The following PIK3CA variants were observed in gnomAD, a reference collection of about 807,000 sequenced individuals.
The protein encoded by PIK3CA is phosphatidylinositol-4,5-bisphosphate 3-kinase catalytic subunit alpha, also known as phosphatidylinositol 4,5-bisphosphate 3-kinase catalytic subunit alpha isoform.
A neutral mutation model predicts 138.2 loss-of-function variants in PIK3CA; 27 were observed. The ratio of observed to expected loss-of-function variants is 0.20; its 90% CI spans 0.14 to 0.27. PIK3CA has a LOEUF of 0.27. PIK3CA is among the 10% of genes least tolerant of loss of function. The pLI, the probability that PIK3CA is intolerant of heterozygous loss-of-function variation, is 1.00. For synonymous variants in PIK3CA, 358 were observed against 413.2 expected (o/e 0.87, Z 1.62); for missense variants, 544 against 1,277.4 (o/e 0.43, Z 8.75).
chr3:179,219,129 G>A lies in PIK3CA; in HGVS notation c.1665-67G>A, dbSNP rs1250086372. Reference sequence around the variant, plus strand: ...TTCTTAAGAAGATTCATATGGAGAAGTTAGACATGTCAACCTTTTGAACAG... The same window carrying A: ...TTCTTAAGAAGATTCATATGGAGAAATTAGACATGTCAACCTTTTGAACAG... On this transcript the variant is annotated intron_variant, in intron 10 of 20. Transcript: ENST00000263967. The surrounding 1 kb of genome is among the most constrained non-coding windows in gnomAD (Gnocchi z 4.2). 2 of 912,800 alleles carry A rather than the reference G, an allele frequency of 2.2e-6. No individual in the cohort carries two copies. Among genetic ancestry groups the A allele is most frequent in the African/African-American group, 3.3e-5 (2 of 60,790 alleles). The allele number at this position is 912,800 out of a possible 1,614,324, so 56.5% of individuals were successfully genotyped here.
chr3:179,173,404 C>CAAAAAAAAAAAAA (rs749831764), intron 1 of PIK3CA, among the ~76,000 whole-genome samples: 2 of 43,108 alleles, frequency 4.6e-5, no homozygotes, highest in Non-Finnish European at 9.3e-5. Flanking sequence ...GCTAAAAATA[C>CAAAAAAAAAAAAA]AAAAAAAAAA....
At chr3:179,164,248 C>T (rs766452961) in intron 1 of PIK3CA, among the ~76,000 whole-genome samples, 10 of 152,034 alleles carry the variant, frequency 6.6e-5, no homozygotes, top group Admixed American at 2.0e-4. Context: ...GTCTTAGGTA[C>T]GTTTTCTTTT....
intron 1 of PIK3CA, among the ~76,000 whole-genome samples, chr3:179,163,705 A>C (rs9871768): frequency 0.057 from 8,662 of 152,232 alleles, 298 homozygotes; most frequent in African/African-American, 0.095. Context: ...CATTTACTAA[A>C]GAGGAAATGC....
chr3:179,154,453 C>T (rs1176683464), intron 1 of PIK3CA, among the ~76,000 whole-genome samples: 3 of 152,100 alleles, frequency 2.0e-5, no homozygotes, highest in Admixed American at 2.0e-4. Flanking sequence ...CAGTTTCATC[C>T]CCAAACCATC....
At chr3:179,175,810 C>T (rs529033210) in intron 1 of PIK3CA, among the ~76,000 whole-genome samples, 1 of 151,768 alleles carries the variant, frequency 6.6e-6, no homozygotes, top group South Asian at 2.1e-4. Flanking sequence ...TTTCCTCTGT[C>T]CCATCATTCT....
At chr3:179,225,213 T>C (rs1448296049) in intron 16 of PIK3CA, among the ~76,000 whole-genome samples, 1 of 152,008 alleles carries the variant, frequency 6.6e-6, no homozygotes, top group Non-Finnish European at 1.5e-5. Context: ...TGCTAGGCCC[T>C]GGGGTTTTAG....
At chr3:179,190,061 G>A (rs9866361) in intron 1 of PIK3CA, among the ~76,000 whole-genome samples, 36,105 of 152,050 alleles carry the variant, frequency 0.24, 5,382 homozygotes, top group African/African-American at 0.42. Flanking sequence ...CTTGCTTCCT[G>A]TGCATCTCCA....
intron 17 of PIK3CA, among the ~76,000 whole-genome samples, chr3:179,228,266 T>G (rs1725128424): frequency 6.6e-6 from 1 of 152,008 alleles, no homozygotes. Flanking sequence ...ATATTAACAA[T>G]TGTGGTTTTT....
At chr3:179,162,598 A>G (rs967241201) in intron 1 of PIK3CA, among the ~76,000 whole-genome samples, 3 of 152,170 alleles carry the variant, frequency 2.0e-5, no homozygotes, top group Non-Finnish European at 4.4e-5. Flanking sequence ...TTCTAGAGTA[A>G]ATAGATGTAA....
chr3:179,206,271 T>C (rs1467690735), intron 6 of PIK3CA, among the ~76,000 whole-genome samples: 1 of 152,014 alleles, frequency 6.6e-6, no homozygotes, highest in East Asian at 1.9e-4. Context: ...TTGGCCAGGC[T>C]GGTCTTGAAC....
intron 1 of PIK3CA, among the ~76,000 whole-genome samples, chr3:179,168,212 A>G (rs560215974): frequency 7.2e-4 from 110 of 152,292 alleles, no homozygotes; most frequent in Non-Finnish European, 1.3e-3. Context: ...GAATTGGTTC[A>G]GGGGAAGTAA....
rs1243991294 is a variant in PIK3CA at position 179,235,619 on chromosome 3, T to G, written c.*1255T>G. The G allele has an allele frequency of 1.9e-5, 4 of 206,476 alleles. No individual in the cohort carries two copies. The highest frequency in any genetic ancestry group is 9.1e-5 in the African/African-American group (4 of 43,898). The allele number at this position is 206,476 out of a possible 1,614,324, so 12.8% of individuals were successfully genotyped here. A position where few individuals can be genotyped will look rare whatever the true frequency, so the allele number is the denominator to read the frequency against. ...ATTAGTTACCAGAATTAACACAATTTAGACTATCTTCCTGATTCCTTAAAC... is the reference window on the plus strand; with the variant it reads ...ATTAGTTACCAGAATTAACACAATTGAGACTATCTTCCTGATTCCTTAAAC... On this transcript the variant is annotated 3_prime_UTR_variant, in exon 21 of 21. Transcript: ENST00000263967.
Position 179,204,573 on chromosome 3 carries a change from C to G in PIK3CA, c.1130C>G (p.Pro377Arg), listed in dbSNP as rs113613074. The change falls in exon 6 of 21, where the codon CCT (proline) becomes CGT (arginine). Residue 377 changes from proline to arginine, a missense_variant. Pro to Arg is a moderately radical substitution (Grantham distance 103). Coordinates refer to ENST00000263967, the MANE Select transcript of PIK3CA (RefSeq NM_006218.4). ...GACAATGTGAACACTCAAAGAGTAC[C>G]TTGTTCCAATCCCAGGTAAGGAAGT... is the stretch of plus-strand genomic sequence containing the variant. ...LCDNVNTQRVPCSNPRWNEWL... is the reference protein window; with the variant it reads ...LCDNVNTQRVRCSNPRWNEWL... The G allele has an allele frequency of 1.2e-4, 189 of 1,536,950 alleles. No homozygotes were observed. The highest frequency in any genetic ancestry group is 1.6e-4 in the Non-Finnish European group (181 of 1,110,006).
chr3:179,151,685 T>G (rs898571341), intron 1 of PIK3CA, among the ~76,000 whole-genome samples: 1 of 152,186 alleles, frequency 6.6e-6, no homozygotes, highest in African/African-American at 2.4e-5. Context: ...TTCTCTAGGT[T>G]TATTTCTCCT....
chr3:179,190,905 A>G (rs1222337913), intron 1 of PIK3CA, among the ~76,000 whole-genome samples: 1 of 152,246 alleles, frequency 6.6e-6, no homozygotes, highest in East Asian at 1.9e-4. Flanking sequence ...GAGGGGAAGA[A>G]CTGTACTGTG....
intron 1 of PIK3CA, among the ~76,000 whole-genome samples, chr3:179,178,254 TAAAGATCAAAAAAA>T (rs1439076383): frequency 1.1e-5 from 1 of 88,754 alleles, no homozygotes; most frequent in Non-Finnish European, 2.2e-5. Flanking sequence ...ACCTTGTCTC[TAAAGATCAAAAAAA>T]AAAAAAAAAA....
At chr3:179,216,308 CTT>C (rs1724835117) in intron 9 of PIK3CA, among the ~76,000 whole-genome samples, 1 of 152,142 alleles carries the variant, frequency 6.6e-6, no homozygotes, top group African/African-American at 2.4e-5. Context: ...ACCAGAATGA[CTT>C]CATCACACAA....
At chr3:179,153,406 T>C (rs1429293634) in intron 1 of PIK3CA, among the ~76,000 whole-genome samples, 1 of 152,208 alleles carries the variant, frequency 6.6e-6, no homozygotes, top group African/African-American at 2.4e-5. Flanking sequence ...TGAAACTTCT[T>C]GAGTGCCAAC....
At chr3:179,206,551 G>A (rs1027112552) in intron 6 of PIK3CA, among the ~76,000 whole-genome samples, 3 of 152,078 alleles carry the variant, frequency 2.0e-5, no homozygotes, top group Non-Finnish European at 4.4e-5. Flanking sequence ...CCCAAGCAAA[G>A]ACCCCAAAAT....
Sources: allele counts gnomAD v4.1 joint callset (sites outside exome capture counted in the v4.1 genomes callset), GRCh38; gene constraint gnomAD v4.1.1; non-coding constraint Gnocchi (gnomAD v3.1); transcripts MANE v1.5; gene names NCBI Gene and HGNC (gene_info 2026-07-23, HGNC 2026-07-21).